The following DYRK1A variants were observed in gnomAD, a reference collection of about 807,000 sequenced individuals.
DYRK1A encodes the protein dual specificity tyrosine phosphorylation regulated kinase 1A.
DYRK1A carries 9 observed loss-of-function variants against 79.7 expected under a neutral mutation model. The ratio of observed to expected loss-of-function variants is 0.11; its 90% CI spans 0.07 to 0.20. DYRK1A has a LOEUF of 0.20. Ranked by LOEUF, DYRK1A falls within the 10% of genes least tolerant of loss-of-function variation. The pLI is 1.00. For synonymous variants in DYRK1A, 349 were observed against 329.7 expected, an observed-to-expected ratio of 1.06 and a Z score of -0.63; for missense variants, 622 against 956.0, an observed-to-expected ratio of 0.65 and a Z score of 4.61.
At chr21:37,397,082 C>G (rs2049971108) in intron 1 of DYRK1A, among the ~76,000 whole-genome samples, 1 of 152,186 alleles carries the variant, frequency 6.6e-6, no homozygotes, top group South Asian at 2.1e-4. Flanking sequence ...AATGCTCACT[C>G]AGTGTCCTAA....
intron 1 of DYRK1A, among the ~76,000 whole-genome samples, chr21:37,376,769 G>A (rs958737943): frequency 1.3e-5 from 2 of 152,030 alleles, no homozygotes; most frequent in Non-Finnish European, 2.9e-5. Context: ...ATAAGGTACG[G>A]TTCTGATCAT....
chr21:37,501,588 T>C (rs1032112300), intron 9 of DYRK1A: 6 of 152,250 alleles, frequency 3.9e-5, no homozygotes, highest in Admixed American at 1.3e-4. Flanking sequence ...AGATGTCTTA[T>C]TGAGTTCTAG....
upstream of DYRK1A, chr21:37,366,131 G>C (rs1315025233): frequency 6.6e-6 from 1 of 151,790 alleles, no homozygotes; most frequent in Admixed American, 6.5e-5. Flanking sequence ...ACGCGCGGAC[G>C]GTCGCGGCCG....
At chr21:37,370,940 T>A (rs1468756493) in intron 1 of DYRK1A, among the ~76,000 whole-genome samples, 1 of 152,206 alleles carries the variant, frequency 6.6e-6, no homozygotes, top group Non-Finnish European at 1.5e-5. Context: ...TGGTTTTGCC[T>A]TTTAAAAGAC....
chr21:37,452,590 C>G (rs1315654043), intron 2 of DYRK1A, among the ~76,000 whole-genome samples: 2 of 152,058 alleles, frequency 1.3e-5, no homozygotes, highest in Non-Finnish European at 2.9e-5. Context: ...CAGCCACTGC[C>G]AATCTATTTG....
intron 2 of DYRK1A, among the ~76,000 whole-genome samples, chr21:37,449,891 CA>C (rs1479707616): frequency 2.0e-5 from 3 of 152,138 alleles, no homozygotes; most frequent in African/African-American, 7.2e-5. Context: ...GGGCAGAAAA[CA>C]AATGTAATGG....
intron 2 of DYRK1A, among the ~76,000 whole-genome samples, chr21:37,426,120 T>C (rs781225016): frequency 1.3e-5 from 2 of 151,862 alleles, no homozygotes; most frequent in Non-Finnish European, 2.9e-5. Context: ...TTAAACAAGA[T>C]GGAGATAATG....
intron 2 of DYRK1A, among the ~76,000 whole-genome samples, chr21:37,455,017 AC>A (rs2051588400): frequency 8.2e-6 from 1 of 122,660 alleles, no homozygotes; most frequent in African/African-American, 3.6e-5. Flanking sequence ...AGGGGTGGTC[AC>A]CTTTTTTTTT....
intron 1 of DYRK1A, among the ~76,000 whole-genome samples, chr21:37,375,429 A>C (rs2049517512): frequency 6.6e-6 from 1 of 151,642 alleles, no homozygotes; most frequent in Non-Finnish European, 1.5e-5. Context: ...TGTAATTTTC[A>C]CTGTTGGAAT....
At chr21:37,447,853 G>A (rs964375780) in intron 2 of DYRK1A, among the ~76,000 whole-genome samples, 4 of 151,696 alleles carry the variant, frequency 2.6e-5, no homozygotes, top group African/African-American at 9.7e-5. Context: ...GGGAACTTGT[G>A]CTTTTAAGAA....
At chr21:37,464,448 A>G (rs999607580) in intron 2 of DYRK1A, among the ~76,000 whole-genome samples, 7 of 152,238 alleles carry the variant, frequency 4.6e-5, no homozygotes, top group Non-Finnish European at 7.3e-5. Flanking sequence ...CATACAGTTC[A>G]GAAGCACGTA....
chr21:37,460,292 G>GT (rs892965862), intron 2 of DYRK1A, among the ~76,000 whole-genome samples: 7 of 152,048 alleles, frequency 4.6e-5, no homozygotes, highest in Non-Finnish European at 1.0e-4. Context: ...AGATTGATTT[G>GT]TCTGTGCTCT....
In DYRK1A at chr21:37,513,576, GAA is replaced by G. The variant is rs1301937191; in HGVS notation, c.*1046_*1047del. ...CATAAAGTTGACTTCCTTATTGGTT[GAA>G]GGTCACAGAAGTAGTGGTTTGCTTT... On this transcript the variant is annotated 3_prime_UTR_variant, in exon 12 of 12. Coordinates refer to ENST00000647188, the MANE Select transcript of DYRK1A (RefSeq NM_001347721.2). 1 of 152,606 alleles carries G rather than the reference GAA, an allele frequency of 6.6e-6. No individual in the cohort carries two copies. The highest frequency in any genetic ancestry group is 1.5e-5 in the Non-Finnish European group (1 of 68,056). 9.5% of individuals were successfully genotyped at this position (152,606 alleles called of 1,614,324 possible).
chr21:37,474,750 C>CTTT (rs1278194847), intron 3 of DYRK1A, among the ~76,000 whole-genome samples: 1 of 152,152 alleles, frequency 6.6e-6, no homozygotes, highest in Non-Finnish European at 1.5e-5. Flanking sequence ...TATCAGATGT[C>CTTT]TTTTAAAAGA....
intron 3 of DYRK1A, among the ~76,000 whole-genome samples, chr21:37,473,544 GAA>G (rs1002230496): frequency 7.2e-5 from 11 of 152,178 alleles, no homozygotes; most frequent in Non-Finnish European, 1.6e-4. Context: ...GTAGTTGTGT[GAA>G]AGTTTCTTGC....
At chr21:37,474,743 C>T (rs1348606556) in intron 3 of DYRK1A, among the ~76,000 whole-genome samples, 3 of 152,176 alleles carry the variant, frequency 2.0e-5, no homozygotes, top group Non-Finnish European at 4.4e-5. Flanking sequence ...ATCATCCTAT[C>T]AGATGTCTTT....
upstream of DYRK1A, among the ~76,000 whole-genome samples, chr21:37,366,732 G>A (rs1390731474): frequency 2.0e-5 from 3 of 151,990 alleles, no homozygotes; most frequent in African/African-American, 7.2e-5. Context: ...ACGTCAGCAC[G>A]TCAGCCGGGG....
chr21:37,412,125 G>A (rs776433805), intron 1 of DYRK1A, among the ~76,000 whole-genome samples: 15 of 152,148 alleles, frequency 9.9e-5, no homozygotes, highest in Admixed American at 3.9e-4. Context: ...ACTTTAAAGT[G>A]GATGAAGGCA....
In DYRK1A at chr21:37,420,437, C is replaced by T. The variant is rs761675098; in HGVS notation, c.10+53C>T. The T allele has an allele frequency of 6.2e-5, 98 of 1,587,294 alleles. 1 individual carries two copies. Among genetic ancestry groups the T allele is most frequent in the Middle Eastern group, 5.0e-4 (3 of 6,008 alleles). ...ACTCTGGCTAAGAGAATGTGGGAAT[C>T]GATGGTCTATTTTGAATGGGGGAGG... On this transcript the variant is annotated intron_variant, in intron 2 of 11. Coordinates refer to ENST00000647188, the MANE Select transcript of DYRK1A (RefSeq NM_001347721.2).
Sources: gnomAD v4.1 joint callset for allele counts (sites outside exome capture counted in the v4.1 genomes callset) on GRCh38, gnomAD v4.1.1 for gene constraint, MANE v1.5 for transcripts, NCBI Gene and HGNC (gene_info 2026-07-23, HGNC 2026-07-21) for gene names.